The following RAD50 variants were observed in gnomAD, a reference collection of about 807,000 sequenced individuals.
The protein encoded by RAD50 is RAD50 double strand break repair protein.
Under a neutral mutation model 168.8 loss-of-function variants are expected in RAD50, and 132 were observed. The ratio of observed to expected loss-of-function variants is 0.78; its 90% CI spans 0.68 to 0.90. RAD50 has a LOEUF of 0.90. Among genes scored for constraint, RAD50 ranks in the 40% least tolerant of loss-of-function variants. The pLI, the probability that RAD50 is intolerant of heterozygous loss-of-function variation, is 0.00. For synonymous variants in RAD50, 525 were observed against 497.4 expected, an observed-to-expected ratio of 1.06 and a Z score of -0.74; for missense variants, 1,347 against 1,534.4, an observed-to-expected ratio of 0.88 and a Z score of 2.04.
intron 11 of RAD50, among the ~76,000 whole-genome samples, chr5:132,594,099 A>G (rs1291843095): frequency 1.3e-5 from 2 of 152,136 alleles, no homozygotes; most frequent in African/African-American, 4.8e-5. Flanking sequence ...CTTTTTTCCA[A>G]ATGTTTACTG....
intron 3 of RAD50, 115 bp downstream of exon 3, chr5:132,576,043 A>G (rs1750393784): frequency 9.3e-7 from 1 of 1,073,526 alleles, no homozygotes; most frequent in South Asian, 1.9e-5. Context: ...TTTTCAATAG[A>G]CTTTAGACTT....
intron 11 of RAD50, among the ~76,000 whole-genome samples, chr5:132,594,350 GT>G: frequency 6.6e-6 from 1 of 152,190 alleles, no homozygotes; most frequent in East Asian, 1.9e-4. Context: ...CTAGGATGAT[GT>G]TTAAGAATTA....
intron 21 of RAD50, among the ~76,000 whole-genome samples, chr5:132,626,415 T>C (rs2149857573): frequency 6.6e-6 from 1 of 152,312 alleles, no homozygotes; most frequent in South Asian, 2.1e-4. Context: ...TGACTGAAGA[T>C]ATTTAGCAAA....
In RAD50 at chr5:132,609,367, C is replaced by T. The variant is rs1581004941; in HGVS notation, c.3007C>T (p.Leu1003Phe). 1.9e-6 allele frequency: 3 copies of T among 1,613,802 alleles called. No homozygotes were observed. Among genetic ancestry groups the T allele is most frequent in the Non-Finnish European group, 2.5e-6 (3 of 1,179,868 alleles). ...AGAAAAGATAAATGAAGATATGAGACTCATGAGACAAGATATTGATACACA... is the reference window on the plus strand; with the variant it reads ...AGAAAAGATAAATGAAGATATGAGATTCATGAGACAAGATATTGATACACA... The part of the protein sequence containing the change: ...HKEKINEDMR[L>F]MRQDIDTQKI... Residue 1003 changes from leucine (L) to phenylalanine (F), a missense_variant, in exon 19 of 25, where the codon CTC becomes TTC. Physicochemically the swap from Leu to Phe is conservative, Grantham distance 22 (BLOSUM62 0). Coordinates refer to ENST00000378823, the MANE Select transcript of RAD50 (RefSeq NM_005732.4).
chr5:132,559,402 T>C (rs749928330), intron 2 of RAD50, 35 bp downstream of exon 2: 3 of 1,573,850 alleles, frequency 1.9e-6, no homozygotes, highest in Non-Finnish European at 2.6e-6. Context: ...ATTTTTATAA[T>C]TATAAAAATG....
In RAD50 at chr5:132,645,882, AAAAG is replaced by A; in HGVS notation, c.*3523_*3526del. On this transcript the variant is annotated 3_prime_UTR_variant, in exon 25 of 25. Coordinates refer to ENST00000378823, the MANE Select transcript of RAD50 (RefSeq NM_005732.4). ...CGACACAGCTGCTTTCCACAGTTTA[AAAAG>A]AAAGTCTGAGCAACATAGTGACATC... The A allele has an allele frequency of 6.6e-6, 1 of 152,260 alleles. No individual in the cohort carries two copies. Among genetic ancestry groups the A allele is most frequent in the East Asian group, 1.9e-4 (1 of 5,186 alleles). 9.4% of individuals were successfully genotyped at this position (152,260 alleles called of 1,614,324 possible). A position where few individuals can be genotyped will look rare whatever the true frequency, so the allele number is the denominator to read the frequency against.
chr5:132,598,453 G>T (rs1750830417), intron 13 of RAD50, among the ~76,000 whole-genome samples: 1 of 152,198 alleles, frequency 6.6e-6, no homozygotes, highest in Non-Finnish European at 1.5e-5. Flanking sequence ...AATGAGAACT[G>T]TAATGTCTGT....
chr5:132,592,167 C>A, intron 11 of RAD50, 133 bp downstream of exon 11: 3 of 943,938 alleles, frequency 3.2e-6, no homozygotes, highest in African/African-American at 1.7e-5. Context: ...TACAAGGAGA[C>A]TTCAGAAAGT....
At position 132,576,844 on chromosome 5, in the gene RAD50, A is replaced by G. The variant is rs138590268; in HGVS notation, c.365+916A>G. ...ATTAGGGTAATGCTGCTGCTATACA[A>G]AGTAGACCTAAGAGTGAGCCTCTGT... On this transcript the variant is annotated intron_variant, in intron 3 of 24. Transcript: ENST00000378823. Among the ~76,000 whole-genome samples the G allele has an allele frequency of 2.7e-5, 4 of 150,916 alleles. No homozygotes were observed. The East Asian group carries it at 5.8e-4, about 22-fold the overall frequency.
In RAD50 at chr5:132,592,024, G is replaced by A. The variant is rs2149842775; in HGVS notation, c.1783G>A (p.Ala595Thr). The A allele has an allele frequency of 6.2e-7, 1 of 1,612,290 alleles. No homozygotes were observed. Among genetic ancestry groups the A allele is most frequent in the South Asian group, 1.1e-5 (1 of 91,018 alleles). Residue 595 changes from alanine to threonine, a missense_variant, in exon 11 of 25, where the codon GCC becomes ACC. Transcript: ENST00000378823. The part of the protein sequence containing the change: ...KEINQTRDRL[A>T]KLNKELASSE... ...AATTAATCAGACCAGGGACAGACTT[G>A]CCAAATTGAAGTAAGTTGCAACATT...
intron 21 of RAD50, among the ~76,000 whole-genome samples, chr5:132,633,007 T>C (rs1349583786): frequency 6.6e-6 from 1 of 152,186 alleles, no homozygotes; most frequent in East Asian, 1.9e-4. Context: ...TTGTCACATT[T>C]TAATAGATTC....
At chr5:132,611,945 G>A (rs1028904474) in intron 19 of RAD50, among the ~76,000 whole-genome samples, 1 of 152,136 alleles carries the variant, frequency 6.6e-6, no homozygotes, top group Non-Finnish European at 1.5e-5. Flanking sequence ...TGAAGTAAAT[G>A]TTAATGTTTA....
At chr5:132,572,340 T>C (rs1221150230) in intron 2 of RAD50, among the ~76,000 whole-genome samples, 1 of 152,058 alleles carries the variant, frequency 6.6e-6, no homozygotes, top group Non-Finnish European at 1.5e-5. Context: ...CCTTAAAATC[T>C]TATTATAAAT....
intron 21 of RAD50, among the ~76,000 whole-genome samples, chr5:132,623,076 A>G (rs752816141): frequency 6.6e-6 from 1 of 152,132 alleles, no homozygotes; most frequent in Non-Finnish European, 1.5e-5. Context: ...GAAGAGTCCC[A>G]TTTTTTGTGT....
chr5:132,642,635 A>G lies in RAD50; in HGVS notation c.*271A>G. On this transcript the variant is annotated 3_prime_UTR_variant, in exon 25 of 25. Coordinates refer to ENST00000378823, the MANE Select transcript of RAD50 (RefSeq NM_005732.4). ...GGTTCAGCAGTACAGCCGAGACTCG[A>G]CTCTGTGCCTCCCTCCCCAGTGCAA... 2.0e-6 allele frequency: 1 copy of G among 507,242 alleles called. No individual in the cohort carries two copies. Among genetic ancestry groups the G allele is most frequent in the Non-Finnish European group, 3.5e-6 (1 of 281,856 alleles). The allele number at this position is 507,242 out of a possible 1,614,324, so 31.4% of individuals were successfully genotyped here.
At chr5:132,592,118 T>C in intron 11 of RAD50, 84 bp downstream of exon 11, 1 of 1,399,690 alleles carries the variant, frequency 7.1e-7, no homozygotes, top group Admixed American at 1.7e-5. Flanking sequence ...TTTATTGTCA[T>C]GAAATGGTAT....
At chr5:132,603,791 C>A in intron 14 of RAD50, 129 bp from the exon 15 acceptor site, 1 of 963,510 alleles carries the variant, frequency 1.0e-6, no homozygotes, top group Non-Finnish European at 1.5e-6. Context: ...TTAAACTTTG[C>A]TAAAATTGTA....
chr5:132,642,809 G>T lies in RAD50; in HGVS notation c.*445G>T. On this transcript the variant is annotated 3_prime_UTR_variant, in exon 25 of 25. Transcript: ENST00000378823. ...TTTGAAAAACTGAGTATTAATATCT[G>T]AGGATGACCAGAAATGGTGAGATGT... 2.8e-6 allele frequency: 1 copy of T among 352,548 alleles called. No individual in the cohort carries two copies. Among genetic ancestry groups the T allele is most frequent in the Non-Finnish European group, 5.6e-6 (1 of 180,054 alleles). 21.8% of individuals were successfully genotyped at this position (352,548 alleles called of 1,614,324 possible). A position where few individuals can be genotyped will look rare whatever the true frequency, so the allele number is the denominator to read the frequency against.
intron 21 of RAD50, among the ~76,000 whole-genome samples, chr5:132,636,184 G>T (rs1027394512): frequency 1.3e-5 from 2 of 152,256 alleles, no homozygotes; most frequent in African/African-American, 4.8e-5. Context: ...TTTACCACTG[G>T]TGCAACATTT....
Sources: allele counts gnomAD v4.1 joint callset (sites outside exome capture counted in the v4.1 genomes callset), GRCh38; gene constraint gnomAD v4.1.1; transcripts MANE v1.5; gene names NCBI Gene and HGNC (gene_info 2026-07-23, HGNC 2026-07-21).